Variants in PGM5 observed in about 807,000 individuals in gnomAD.
PGM5 encodes the protein phosphoglucomutase 5.
PGM5 carries 23 observed loss-of-function variants against 59.2 expected under a neutral mutation model. The ratio of observed to expected loss-of-function variants is 0.39; its 90% confidence interval spans 0.28 to 0.55. The LOEUF is 0.55. PGM5 is among the 20% of genes least tolerant of loss of function. The probability of loss-of-function intolerance (pLI) is 0.66; values close to 1 mark genes in which losing one functional copy is unlikely to be tolerated. For synonymous variants in PGM5, 214 were observed against 286.0 expected, an observed-to-expected ratio of 0.75 and a Z score of 2.54; for missense variants, 574 against 748.3, an observed-to-expected ratio of 0.77 and a Z score of 2.72.
chr9:68,414,560 G>A (rs1183102887), intron 6 of PGM5, among the ~76,000 whole-genome samples: 4 of 151,788 alleles, frequency 2.6e-5, no homozygotes, highest in Admixed American at 2.6e-4. Context: ...TGGGCAGGCT[G>A]GTGACCACAC....
At chr9:68,462,494 G>A (rs1023565727) in intron 6 of PGM5, among the ~76,000 whole-genome samples, 7 of 152,256 alleles carry the variant, frequency 4.6e-5, no homozygotes, top group South Asian at 4.1e-4. Context: ...GGCTTGGATA[G>A]CTGCAACTGT....
At chr9:68,500,179 G>GA (rs1429575574) in intron 10 of PGM5, among the ~76,000 whole-genome samples, 1 of 152,162 alleles carries the variant, frequency 6.6e-6, no homozygotes. Flanking sequence ...GAGAAACAGA[G>GA]AAATACTCAC....
At chr9:68,456,046 T>G (rs1389268420) in intron 6 of PGM5, among the ~76,000 whole-genome samples, 1 of 152,244 alleles carries the variant, frequency 6.6e-6, no homozygotes, top group Non-Finnish European at 1.5e-5. Context: ...TCTATTTCTC[T>G]TTCACATATA....
At chr9:68,488,801 CA>C (rs1554687719) in intron 9 of PGM5, among the ~76,000 whole-genome samples, 1 of 152,138 alleles carries the variant, frequency 6.6e-6, no homozygotes, top group Non-Finnish European at 1.5e-5. Flanking sequence ...TCACTATTTT[CA>C]AGTGAAATCT....
intron 6 of PGM5, among the ~76,000 whole-genome samples, chr9:68,441,090 A>G (rs1823521964): frequency 6.6e-6 from 1 of 152,100 alleles, no homozygotes; most frequent in Admixed American, 6.5e-5. Flanking sequence ...AATACAAATT[A>G]TCAACACTCA....
rs757969747 is a variant in PGM5, at chr9:68,529,700, G to A, written c.*44G>A. ...ACCAGGGCCAAAGAGAGTGCTCAGCGGGAGATGCTTCACTGATGCCTTCTT... is the reference window on the plus strand; with the variant it reads ...ACCAGGGCCAAAGAGAGTGCTCAGCAGGAGATGCTTCACTGATGCCTTCTT... On this transcript the variant is annotated 3_prime_UTR_variant, in exon 11 of 11. Transcript: ENST00000396396. 2.9e-5 allele frequency: 36 copies of A among 1,232,696 alleles called. No individual in the cohort carries two copies. The highest frequency in any genetic ancestry group is 3.5e-5 in the Non-Finnish European group (31 of 873,688). 76.4% of individuals were successfully genotyped at this position (1,232,696 alleles called of 1,614,324 possible).
intron 6 of PGM5, among the ~76,000 whole-genome samples, chr9:68,430,773 T>C (rs1462843856): frequency 2.6e-5 from 4 of 152,236 alleles, no homozygotes; most frequent in African/African-American, 7.2e-5. Flanking sequence ...ACTGTTATGA[T>C]AAAAAAGAAC....
intron 6 of PGM5, among the ~76,000 whole-genome samples, chr9:68,422,457 GTTTTGTT>G (rs201653632): frequency 0.026 from 3,868 of 151,124 alleles, 165 homozygotes; most frequent in African/African-American, 0.088. Context: ...TTTTTGTTTT[GTTTTGTT>G]TTTTGTTTTT....
In PGM5 at chr9:68,409,684, A is replaced by G. The variant is rs1265478555; in HGVS notation, c.1043+17211A>G. The stretch of plus-strand genomic sequence containing the variant: ...GGTGGGAATTGAACAATGAGAACAC[A>G]TGGACACAGGAAGGGGAACATCACA... On this transcript the variant is annotated intron_variant, in intron 6 of 10. Transcript: ENST00000396396. Among the ~76,000 whole-genome samples the G allele has an allele frequency of 1.3e-4, 17 of 135,144 alleles. No homozygotes were observed. In the East Asian group the frequency reaches 3.6e-3, roughly 29 times the overall value. 88.7% of individuals were successfully genotyped at this position (135,144 alleles called of 152,430 possible).
chr9:68,498,046 G>A (rs1431589022), intron 9 of PGM5: 44 of 152,286 alleles, frequency 2.9e-4, no homozygotes, highest in African/African-American at 1.1e-3. Context: ...GGTAAGAAGT[G>A]TGAAAGGAAA....
intron 10 of PGM5, among the ~76,000 whole-genome samples, chr9:68,500,623 C>T (rs1246484948): frequency 6.6e-6 from 1 of 152,122 alleles, no homozygotes; most frequent in South Asian, 2.1e-4. Flanking sequence ...CAAGATAGTA[C>T]CAAATCATGC....
intron 6 of PGM5, among the ~76,000 whole-genome samples, chr9:68,408,977 A>G (rs1554681390): frequency 6.6e-6 from 1 of 152,024 alleles, no homozygotes; most frequent in African/African-American, 2.4e-5. Context: ...TGGTTACTGT[A>G]GGCTTGTAGT....
chr9:68,529,755 G>C lies in PGM5; in HGVS notation c.*99G>C. 9 of 398,888 alleles carry C rather than the reference G, an allele frequency of 2.3e-5. No homozygotes were observed. The East Asian group carries it at 3.3e-4, about 15-fold the overall frequency. 24.7% of individuals were successfully genotyped at this position (398,888 alleles called of 1,614,324 possible). A position where few individuals can be genotyped will look rare whatever the true frequency, so the allele number is the denominator to read the frequency against. ...CCTGTTTGTGCCTCTTATGACTTTG[G>C]AAAAACAAAAGATATTTTGCTTTTG... is the stretch of plus-strand genomic sequence containing the variant. On this transcript the variant is annotated 3_prime_UTR_variant, in exon 11 of 11. Coordinates refer to ENST00000396396, the MANE Select transcript of PGM5 (RefSeq NM_021965.4).
At chr9:68,462,688 C>T in intron 6 of PGM5, among the ~76,000 whole-genome samples, 1 of 152,024 alleles carries the variant, frequency 6.6e-6, no homozygotes, top group Admixed American at 6.6e-5. Context: ...ATCCCCACAC[C>T]CCGTACCCTC....
chr9:68,441,690 C>G (rs1823530939), intron 6 of PGM5, among the ~76,000 whole-genome samples: 1 of 151,960 alleles, frequency 6.6e-6, no homozygotes, highest in African/African-American at 2.4e-5. Context: ...AGATCAGGAA[C>G]AAGACAAGGA....
At chr9:68,396,252 C>T (rs1822498519) in intron 6 of PGM5, 1 of 152,190 alleles carries the variant, frequency 6.6e-6, no homozygotes, top group Non-Finnish European at 1.5e-5. Context: ...GTGACTTGTA[C>T]AAGGTCACAC....
intron 3 of PGM5, among the ~76,000 whole-genome samples, chr9:68,386,697 A>G (rs1822228974): frequency 6.6e-6 from 1 of 152,082 alleles, no homozygotes; most frequent in Admixed American, 6.6e-5. Flanking sequence ...CACCTAAAGA[A>G]TTGATTTACT....
At chr9:68,390,210 T>C (rs1320097592) in intron 4 of PGM5, among the ~76,000 whole-genome samples, 1 of 152,108 alleles carries the variant, frequency 6.6e-6, no homozygotes, top group Non-Finnish European at 1.5e-5. Flanking sequence ...TTCTTTCTTG[T>C]TGGGCTGATC....
intron 6 of PGM5, chr9:68,402,276 A>C: frequency 6.6e-6 from 1 of 152,416 alleles, no homozygotes; most frequent in Middle Eastern, 3.4e-3. Context: ...AAAAATAAAA[A>C]AAGAAGTAAT....
Sources: gnomAD v4.1 joint callset for allele counts (sites outside exome capture counted in the v4.1 genomes callset) on GRCh38, gnomAD v4.1.1 for gene constraint, MANE v1.5 for transcripts, NCBI Gene and HGNC (gene_info 2026-07-23, HGNC 2026-07-21) for gene names.